SESN1: variants seen among roughly 807,000 people sequenced by gnomAD.
The protein encoded by SESN1 is sestrin 1, also known as sestrin-1.
Under a neutral mutation model 59.3 loss-of-function variants are expected in SESN1, and 30 were observed. That is an observed-to-expected ratio of 0.51 (90% CI 0.38 to 0.69). The LOEUF is 0.69. Among genes scored for constraint, SESN1 ranks in the 30% least tolerant of loss-of-function variants. The pLI, the probability that SESN1 is intolerant of heterozygous loss-of-function variation, is 0.00. For synonymous variants in SESN1, 197 were observed against 219.9 expected, an observed-to-expected ratio of 0.90 and a Z score of 0.92; for missense variants, 566 against 673.0, an observed-to-expected ratio of 0.84 and a Z score of 1.76.
intron 1 of SESN1, chr6:109,009,357 A>G: frequency 6.8e-7 from 1 of 1,468,022 alleles, no homozygotes; most frequent in South Asian, 1.3e-5. Context: ...TCGCCCAGGT[A>G]CCTCGTCCTG....
At chr6:109,001,178 T>C in intron 3 of SESN1, 110 bp downstream of exon 3, 1 of 897,818 alleles carries the variant, frequency 1.1e-6, no homozygotes. Flanking sequence ...ACAGGAATCA[T>C]ATTATATATC....
intron 9 of SESN1, 68 bp from the exon 10 acceptor site, chr6:108,987,698 C>A: frequency 1.2e-6 from 1 of 802,992 alleles, no homozygotes; most frequent in Non-Finnish European, 2.1e-6. Flanking sequence ...TTCAGTGAAT[C>A]TAATGAACAC....
intron 1 of SESN1, among the ~76,000 whole-genome samples, chr6:109,085,589 T>C (rs983999245): frequency 4.6e-5 from 7 of 152,132 alleles, no homozygotes; most frequent in African/African-American, 1.4e-4. Context: ...AAATCTGATT[T>C]CCTGAGTATA....
intron 1 of SESN1, among the ~76,000 whole-genome samples, chr6:109,056,803 C>A (rs1780640180): frequency 6.6e-6 from 1 of 152,154 alleles, no homozygotes; most frequent in African/African-American, 2.4e-5. Flanking sequence ...GGGACTACAT[C>A]CTGTATAGTC....
At chr6:108,989,799 T>C (rs527888161) in intron 8 of SESN1, among the ~76,000 whole-genome samples, 3 of 152,274 alleles carry the variant, frequency 2.0e-5, no homozygotes, top group Non-Finnish European at 4.4e-5. Flanking sequence ...ACCAGTTGTG[T>C]GCGTTGCTCC....
At chr6:109,068,896 A>G (rs1385125272) in intron 1 of SESN1, among the ~76,000 whole-genome samples, 1 of 151,786 alleles carries the variant, frequency 6.6e-6, no homozygotes, top group East Asian at 1.9e-4. Flanking sequence ...AATTTTTTGT[A>G]TTTTTAGTAG....
chr6:109,033,425 G>A (rs372275235), intron 1 of SESN1, among the ~76,000 whole-genome samples: 2 of 152,128 alleles, frequency 1.3e-5, no homozygotes, highest in East Asian at 3.9e-4. Flanking sequence ...TGTCAGAGGT[G>A]GTTTTGATGG....
chr6:109,009,528 C>A (rs1583270718), intron 1 of SESN1: 3 of 1,177,288 alleles, frequency 2.5e-6, no homozygotes, highest in Non-Finnish European at 2.1e-6. Context: ...CGGCTCCTGG[C>A]TGCAGCGCCT....
In SESN1 at chr6:109,032,788, A is replaced by G. The variant is rs533568519; in HGVS notation, c.280-30445T>C. ...GCCCCTTAATGAAGGGGAGGGCTCG[A>G]TCAGGGTCAGGGCTAAGATAGGAAG... is the stretch of plus-strand genomic sequence containing the variant. On this transcript the variant is annotated intron_variant, in intron 1 of 9. Coordinates refer to ENST00000436639, the MANE Select transcript of SESN1 (RefSeq NM_014454.3). Among the ~76,000 whole-genome samples, 9 of 152,266 alleles carry G rather than the reference A, an allele frequency of 5.9e-5. No homozygotes were observed. In the East Asian group the frequency reaches 1.7e-3, roughly 29 times the overall value.
intron 1 of SESN1, among the ~76,000 whole-genome samples, chr6:109,022,366 A>G (rs1252478487): frequency 6.7e-6 from 1 of 150,092 alleles, no homozygotes; most frequent in East Asian, 2.0e-4. Context: ...TTTGATATTA[A>G]TAGAATATCT....
At chr6:109,067,815 T>C (rs1287359073) in intron 1 of SESN1, among the ~76,000 whole-genome samples, 1 of 152,244 alleles carries the variant, frequency 6.6e-6, no homozygotes, top group Non-Finnish European at 1.5e-5. Flanking sequence ...ATATGTTCTA[T>C]TTGCCCCTGC....
chr6:109,036,726 G>A (rs560069339), intron 1 of SESN1, among the ~76,000 whole-genome samples: 1 of 152,232 alleles, frequency 6.6e-6, no homozygotes, highest in Non-Finnish European at 1.5e-5. Flanking sequence ...ATACCTGGAG[G>A]AAGTGCTACC....
At chr6:108,998,433 T>C (rs928145035) in intron 5 of SESN1, 80 bp downstream of exon 5, 3 of 1,558,708 alleles carry the variant, frequency 1.9e-6, no homozygotes, top group Non-Finnish European at 2.6e-6. Context: ...TGGGTTTTTC[T>C]AAGAAGCCAA....
At chr6:109,000,780 C>A in intron 3 of SESN1, 107 bp from the exon 4 acceptor site, 1 of 959,836 alleles carries the variant, frequency 1.0e-6, no homozygotes. Context: ...AGTATGTTTT[C>A]AAATTTTCCG....
chr6:109,043,778 C>A (rs773830408), intron 1 of SESN1, among the ~76,000 whole-genome samples: 11 of 152,168 alleles, frequency 7.2e-5, no homozygotes, highest in Non-Finnish European at 1.0e-4. Flanking sequence ...TTTTTCCCAT[C>A]TGTAAGTTCA....
At chr6:109,083,791 C>T (rs1020570725) in intron 1 of SESN1, among the ~76,000 whole-genome samples, 3 of 152,200 alleles carry the variant, frequency 2.0e-5, no homozygotes, top group Non-Finnish European at 4.4e-5. Flanking sequence ...CACTCTACCA[C>T]TATTTTGCAA....
chr6:109,016,487 A>T (rs1779931026), intron 1 of SESN1, among the ~76,000 whole-genome samples: 1 of 152,016 alleles, frequency 6.6e-6, no homozygotes, highest in South Asian at 2.1e-4. Context: ...GAGGGTATTA[A>T]GTTGTAGATT....
At chr6:109,019,952 G>A (rs1301647359) in intron 1 of SESN1, among the ~76,000 whole-genome samples, 4 of 152,014 alleles carry the variant, frequency 2.6e-5, no homozygotes, top group Non-Finnish European at 5.9e-5. Flanking sequence ...TACATAAGTG[G>A]GTTTTAAAAA....
At chr6:109,001,558 G>C (rs925514675) in intron 2 of SESN1, 70 bp from the exon 3 acceptor site, 1 of 1,299,598 alleles carries the variant, frequency 7.7e-7, no homozygotes, top group African/African-American at 1.5e-5. Context: ...ATATACATGC[G>C]CTACACTCTA....
Sources: gnomAD v4.1 joint callset for allele counts (sites outside exome capture counted in the v4.1 genomes callset) on GRCh38, gnomAD v4.1.1 for gene constraint, MANE v1.5 for transcripts, NCBI Gene and HGNC (gene_info 2026-07-23, HGNC 2026-07-21) for gene names.